The following ARHGEF10 variants were observed in gnomAD, a reference collection of about 807,000 sequenced individuals.
The protein encoded by ARHGEF10 is Rho guanine nucleotide exchange factor 10.
Under a neutral mutation model 147.4 loss-of-function variants are expected in ARHGEF10, and 140 were observed. The observed-to-expected ratio is 0.95, with a 90% confidence interval of 0.83 to 1.09. ARHGEF10 has a LOEUF of 1.09. Among genes scored for constraint, ARHGEF10 ranks in the 50% least tolerant of loss-of-function variants. The pLI is 0.00. For missense variants in ARHGEF10, 2,222 were observed against 1,752.7 expected, an observed-to-expected ratio of 1.27 and a Z score of -4.78; for synonymous variants, 902 against 695.8, an observed-to-expected ratio of 1.30 and a Z score of -4.67.
At chr8:1,942,820 A>G (rs963977455) in intron 26 of ARHGEF10, among the ~76,000 whole-genome samples, 1 of 152,210 alleles carries the variant, frequency 6.6e-6, no homozygotes, top group African/African-American at 2.4e-5. Context: ...ATTCAGTGAA[A>G]GAAGCCAGAC....
chr8:1,953,926 G>T (rs533231015), intron 28 of ARHGEF10, among the ~76,000 whole-genome samples: 6 of 152,150 alleles, frequency 3.9e-5, no homozygotes, highest in Admixed American at 6.5e-5. Flanking sequence ...TTCCTCCCAG[G>T]CCGACCTGAC....
Position 1,896,405 on chromosome 8 carries a change from A to G in ARHGEF10, c.1513A>G (p.Lys505Glu). The change falls in exon 14 of 29, where the codon AAG (lysine) becomes GAG (glutamate). Residue 505 changes from lysine to glutamate, a missense_variant. By Grantham distance (56) the Lys-to-Glu change is moderately conservative. Coordinates refer to ENST00000349830, the MANE Select transcript of ARHGEF10 (RefSeq NM_014629.4). ...NNFSTAVAVL[K>E]KTCATKPAFL... ...TTTCAGCACAGCCGTGGCAGTCCTC[A>G]AGAAAACATGTGCCACAAAGCCCGC... is the stretch of plus-strand genomic sequence containing the variant. The G allele has an allele frequency of 6.2e-7, 1 of 1,614,092 alleles. No homozygotes were observed. The highest frequency in any genetic ancestry group is 8.5e-7 in the Non-Finnish European group (1 of 1,180,024).
At chr8:1,843,613 C>T (rs1302098789) in intron 2 of ARHGEF10, among the ~76,000 whole-genome samples, 177 bp downstream of exon 2, 5 of 152,188 alleles carry the variant, frequency 3.3e-5, no homozygotes, top group African/African-American at 1.2e-4. Context: ...CTTGCCTTGC[C>T]ACGGGGGCAT....
At chr8:1,914,363 A>T (rs1811597532) in intron 18 of ARHGEF10, among the ~76,000 whole-genome samples, 1 of 152,232 alleles carries the variant, frequency 6.6e-6, no homozygotes, top group South Asian at 2.1e-4. Flanking sequence ...AGGGTTCTGG[A>T]CACAGTGACC....
chr8:1,924,479 G>A (rs1031055738), intron 21 of ARHGEF10, among the ~76,000 whole-genome samples: 1 of 152,224 alleles, frequency 6.6e-6, no homozygotes, highest in South Asian at 2.1e-4. Context: ...TGTCATGTGT[G>A]TGTAAAATTT....
Position 1,876,628 on chromosome 8 carries a change from A to C in ARHGEF10, c.737A>C (p.Glu246Ala). 3.7e-6 allele frequency: 6 copies of C among 1,614,206 alleles called. No homozygotes were observed. Among genetic ancestry groups the C allele is most frequent in the Non-Finnish European group, 5.1e-6 (6 of 1,180,014 alleles). The change falls in exon 8 of 29, where the codon GAA (glutamate) becomes GCA (alanine). Residue 246 changes from glutamate to alanine, a missense_variant. By Grantham distance (107) the Glu-to-Ala change is moderately radical. Transcript: ENST00000349830. Reference protein sequence around the residue: ...NGDEGGNSSLEYGWSSSEFES... With the variant: ...NGDEGGNSSLAYGWSSSEFES... ...GATGAAGGTGGAAACAGCTCCTTGG[A>C]ATACGGATGGAGTTCGAGTGAATTT...
intron 7 of ARHGEF10, among the ~76,000 whole-genome samples, chr8:1,874,650 A>G (rs1807493344): frequency 6.6e-6 from 1 of 151,896 alleles, no homozygotes; most frequent in Non-Finnish European, 1.5e-5. Flanking sequence ...AACAGTGCAG[A>G]CACACACCAG....
rs1236492170 is a variant in ARHGEF10 at position 1,869,240 on chromosome 8, C to G, written c.669C>G (p.Asp223Glu). Residue 223 changes from aspartate (D) to glutamate (E), a missense_variant, in exon 7 of 29, where the codon GAC becomes GAG. Physicochemically the swap from Asp to Glu is conservative, Grantham distance 45. Transcript: ENST00000349830. ...IYDDVPRENS[D>E]SEPDEMIYDD... The stretch of plus-strand genomic sequence containing the variant: ...ATGACGTTCCAAGGGAAAACTCAGA[C>G]TCTGAACCAGGTTTGATTTTGTCTG... 1.2e-6 allele frequency: 2 copies of G among 1,613,854 alleles called. No individual in the cohort carries two copies. The highest frequency in any genetic ancestry group is 1.7e-6 in the Non-Finnish European group (2 of 1,179,752).
chr8:1,918,234 C>T (rs981438872), intron 18 of ARHGEF10, among the ~76,000 whole-genome samples: 20 of 152,146 alleles, frequency 1.3e-4, no homozygotes, highest in African/African-American at 4.3e-4. Context: ...TCTTTGGCAG[C>T]GCACATTGTC....
chr8:1,873,253 C>A (rs1226555229), intron 7 of ARHGEF10, among the ~76,000 whole-genome samples: 1 of 152,238 alleles, frequency 6.6e-6, no homozygotes. Context: ...GACGGGAAAG[C>A]CTGGTGGCTG....
chr8:1,910,703 T>C (rs981109631), intron 18 of ARHGEF10, among the ~76,000 whole-genome samples: 4 of 152,218 alleles, frequency 2.6e-5, no homozygotes, highest in Non-Finnish European at 5.9e-5. Flanking sequence ...GATGCCTTGT[T>C]AAAGATTTTT....
At chr8:1,931,772 A>C (rs1342554738) in intron 25 of ARHGEF10, among the ~76,000 whole-genome samples, 1 of 141,988 alleles carries the variant, frequency 7.0e-6, no homozygotes, top group Non-Finnish European at 1.5e-5. Flanking sequence ...TCAAAACGTC[A>C]TTAGCGTGTG....
At chr8:1,850,460 C>A (rs369724346) in intron 2 of ARHGEF10, among the ~76,000 whole-genome samples, 2 of 148,838 alleles carry the variant, frequency 1.3e-5, no homozygotes, top group Non-Finnish European at 3.0e-5. Context: ...TGTGGGGCAA[C>A]CGCGTGGGCA....
At chr8:1,860,220 C>G (rs1427844572) in intron 4 of ARHGEF10, 36 bp downstream of exon 4, 2 of 1,599,448 alleles carry the variant, frequency 1.3e-6, no homozygotes, top group Non-Finnish European at 1.7e-6. Context: ...CCCGAAGTGG[C>G]CTGTGGTTCC....
At chr8:1,856,058 C>T (rs1289916508) in intron 2 of ARHGEF10, among the ~76,000 whole-genome samples, 2 of 152,066 alleles carry the variant, frequency 1.3e-5, no homozygotes, top group Non-Finnish European at 2.9e-5. Context: ...CCCCCTGCTT[C>T]GATTGTTTCA....
intron 28 of ARHGEF10, among the ~76,000 whole-genome samples, chr8:1,954,015 A>G (rs987950420): frequency 2.0e-5 from 3 of 152,168 alleles, no homozygotes; most frequent in African/African-American, 7.2e-5. Context: ...TCATTTCCTA[A>G]TTTATGTTTT....
intron 17 of ARHGEF10, among the ~76,000 whole-genome samples, chr8:1,908,447 T>C (rs559801634): frequency 1.3e-5 from 2 of 152,222 alleles, no homozygotes; most frequent in African/African-American, 4.8e-5. Flanking sequence ...TTAGCCAGGA[T>C]GGTCTCAATC....
intron 2 of ARHGEF10, among the ~76,000 whole-genome samples, chr8:1,853,273 C>A (rs1473651570): frequency 6.6e-6 from 1 of 152,234 alleles, no homozygotes; most frequent in Non-Finnish European, 1.5e-5. Flanking sequence ...TGCTTCCCTG[C>A]CAGCTGCCTA....
At chr8:1,917,328 CTTAAT>C (rs1207155212) in intron 18 of ARHGEF10, among the ~76,000 whole-genome samples, 4 of 152,156 alleles carry the variant, frequency 2.6e-5, no homozygotes, top group African/African-American at 7.2e-5. Context: ...GTACATTTGC[CTTAAT>C]TTAAGTTAAA....
Sources: gnomAD v4.1 joint callset for allele counts (sites outside exome capture counted in the v4.1 genomes callset) on GRCh38, gnomAD v4.1.1 for gene constraint, MANE v1.5 for transcripts, NCBI Gene and HGNC (gene_info 2026-07-23, HGNC 2026-07-21) for gene names.